RAB38: variants seen among roughly 807,000 people sequenced by gnomAD.
The protein encoded by RAB38 is ras-related protein Rab-38.
In RAB38, 15 loss-of-function variants were observed where a neutral mutation model predicts 18.4. That is an observed-to-expected ratio of 0.82 (90% confidence interval 0.55 to 1.26). RAB38 has a LOEUF of 1.26. RAB38 is among the 50% of genes most tolerant of loss of function. The probability of loss-of-function intolerance (pLI) is 0.00; values close to 1 mark genes in which losing one functional copy is unlikely to be tolerated. For synonymous variants in RAB38, 101 were observed against 104.4 expected (o/e 0.97, Z 0.20); for missense variants, 294 against 267.4 (o/e 1.10, Z -0.69).
chr11:87,904,848 G>A, the RAB38 span, among the ~76,000 whole-genome samples: 1 of 151,808 alleles, frequency 6.6e-6, no homozygotes, highest in African/African-American at 2.4e-5. Context: ...GTATATTGGT[G>A]TGATTTTCTT....
chr11:88,113,842 C>A lies in RAB38; in HGVS notation c.*146G>T, dbSNP rs982464010. On this transcript the variant is annotated 3_prime_UTR_variant, in exon 3 of 3. Transcript: ENST00000243662. Reference sequence around the variant, plus strand: ...AGCATAGAAAGAACATTTGCTATTTCTCTCTCACTGAAAAAACAGAGGCAT... The same window carrying A: ...AGCATAGAAAGAACATTTGCTATTTATCTCTCACTGAAAAAACAGAGGCAT... 15 of 887,162 alleles carry A rather than the reference C, an allele frequency of 1.7e-5. No individual in the cohort carries two copies. The African/African-American group carries it at 2.0e-4, about 12-fold the overall frequency. 55.0% of individuals were successfully genotyped at this position (887,162 alleles called of 1,614,324 possible).
At chr11:88,025,758 G>A in the RAB38 span, among the ~76,000 whole-genome samples, 1 of 152,066 alleles carries the variant, frequency 6.6e-6, no homozygotes, top group African/African-American at 2.4e-5. Flanking sequence ...ATTCCTTATA[G>A]AGTCTGGATA....
At chr11:88,028,655 G>A in the RAB38 span, among the ~76,000 whole-genome samples, 2 of 152,278 alleles carry the variant, frequency 1.3e-5, no homozygotes, top group African/African-American at 2.4e-5. Flanking sequence ...TGAATGAAAT[G>A]AAGCGAGAGG....
the RAB38 span, among the ~76,000 whole-genome samples, chr11:88,085,302 A>C: frequency 6.6e-6 from 1 of 151,922 alleles, no homozygotes; most frequent in Admixed American, 6.6e-5. Flanking sequence ...AGGAAGCTCA[A>C]GAAGTTCATA....
intron 1 of RAB38, among the ~76,000 whole-genome samples, chr11:88,151,144 C>A (rs935900434): frequency 6.6e-6 from 1 of 152,156 alleles, no homozygotes; most frequent in African/African-American, 2.4e-5. Context: ...TTCTTAAGCA[C>A]TCTAAGTTTA....
chr11:87,804,059 G>T, the RAB38 span, among the ~76,000 whole-genome samples: 1 of 152,172 alleles, frequency 6.6e-6, no homozygotes. Context: ...CCAAAACCGT[G>T]ATTTTATTGT....
At chr11:87,956,312 A>ATG in the RAB38 span, among the ~76,000 whole-genome samples, 3 of 152,204 alleles carry the variant, frequency 2.0e-5, no homozygotes, top group Admixed American at 6.5e-5. Context: ...TTATTATAAA[A>ATG]TTACACAGAG....
chr11:87,826,446 G>A, the RAB38 span, among the ~76,000 whole-genome samples: 4 of 151,918 alleles, frequency 2.6e-5, no homozygotes, highest in Non-Finnish European at 5.9e-5. Flanking sequence ...AAAGCATATG[G>A]TGATTTTACT....
At chr11:87,868,150 T>C in the RAB38 span, among the ~76,000 whole-genome samples, 1 of 151,666 alleles carries the variant, frequency 6.6e-6, no homozygotes, top group Non-Finnish European at 1.5e-5. Context: ...AGTTGAAGCC[T>C]AATGGGAGGT....
At chr11:87,976,040 T>C in the RAB38 span, among the ~76,000 whole-genome samples, 1,148 of 151,138 alleles carry the variant, frequency 7.6e-3, 18 homozygotes, top group African/African-American at 0.026. Flanking sequence ...AATAACGCTA[T>C]TGCTGTGAAA....
chr11:87,949,514 C>T, the RAB38 span, among the ~76,000 whole-genome samples: 1 of 152,160 alleles, frequency 6.6e-6, no homozygotes, highest in Non-Finnish European at 1.5e-5. Flanking sequence ...CCTGCTTTCT[C>T]TTGTGGGCAT....
the RAB38 span, among the ~76,000 whole-genome samples, chr11:88,097,468 A>G: frequency 4.0e-5 from 6 of 151,860 alleles, no homozygotes; most frequent in Admixed American, 2.0e-4. Flanking sequence ...CAGAGGAAAG[A>G]GTAACCAAGA....
chr11:88,075,177 C>A, the RAB38 span, among the ~76,000 whole-genome samples: 1 of 152,198 alleles, frequency 6.6e-6, no homozygotes, highest in Non-Finnish European at 1.5e-5. Context: ...TGGAGTTAAA[C>A]TACACACCAG....
At chr11:87,958,221 T>C in the RAB38 span, among the ~76,000 whole-genome samples, 2 of 152,196 alleles carry the variant, frequency 1.3e-5, no homozygotes, top group Non-Finnish European at 2.9e-5. Context: ...TGCCCGGCTG[T>C]AGGCCAATGT....
the RAB38 span, among the ~76,000 whole-genome samples, chr11:87,860,916 G>A: frequency 2.0e-5 from 3 of 151,766 alleles, no homozygotes; most frequent in East Asian, 1.9e-4. Context: ...TTATAAGGCC[G>A]AGATATCAGT....
At chr11:88,164,204 T>C (rs1943220485) in intron 1 of RAB38, among the ~76,000 whole-genome samples, 2 of 148,098 alleles carry the variant, frequency 1.4e-5, no homozygotes, top group Non-Finnish European at 3.0e-5. Flanking sequence ...TCTTAAGGAA[T>C]ATCCAGATTC....
At chr11:87,947,076 G>T in the RAB38 span, among the ~76,000 whole-genome samples, 53 of 151,792 alleles carry the variant, frequency 3.5e-4, no homozygotes, top group African/African-American at 1.2e-3. Context: ...TTTTAATGAT[G>T]GCCATTCTAA....
chr11:87,955,915 G>C, the RAB38 span, among the ~76,000 whole-genome samples: 1 of 150,568 alleles, frequency 6.6e-6, no homozygotes, highest in Non-Finnish European at 1.5e-5. Context: ...AAGTAGGACA[G>C]AATAGAAAAT....
At chr11:88,032,941 G>A in the RAB38 span, among the ~76,000 whole-genome samples, 2 of 152,102 alleles carry the variant, frequency 1.3e-5, no homozygotes, top group African/African-American at 2.4e-5. Context: ...TGTTTATTGT[G>A]GCATTATTCA....
Sources: allele counts gnomAD v4.1 joint callset (sites outside exome capture counted in the v4.1 genomes callset), GRCh38; gene constraint gnomAD v4.1.1; transcripts MANE v1.5; gene names NCBI Gene and HGNC (gene_info 2026-07-23, HGNC 2026-07-21).